Variants in RAB3C observed in about 807,000 individuals in gnomAD.
RAB3C encodes RAB3C, member RAS oncogene family, also known as ras-related protein Rab-3C.
RAB3C carries 17 observed loss-of-function variants against 26.4 expected under a neutral mutation model. The observed-to-expected ratio is 0.64, with a 90% confidence interval of 0.44 to 0.97. The LOEUF (loss-of-function observed/expected upper bound fraction) is 0.97, where lower values mean the gene tolerates loss of function less well. RAB3C is among the 50% of genes least tolerant of loss of function. The probability of loss-of-function intolerance (pLI) is 0.00; values close to 1 mark genes in which losing one functional copy is unlikely to be tolerated. For missense variants in RAB3C, 242 were observed against 281.9 expected (o/e 0.86, Z 1.01); for synonymous variants, 91 against 95.9 (o/e 0.95, Z 0.30).
intron 4 of RAB3C, among the ~76,000 whole-genome samples, chr5:58,849,674 C>T (rs1324294955): frequency 6.6e-6 from 1 of 152,140 alleles, no homozygotes; most frequent in Non-Finnish European, 1.5e-5. Flanking sequence ...GTTCTTCAAC[C>T]CCAATCCTGC....
At chr5:58,661,833 A>C (rs1214375522) in intron 2 of RAB3C, among the ~76,000 whole-genome samples, 1 of 149,476 alleles carries the variant, frequency 6.7e-6, no homozygotes, top group Non-Finnish European at 1.5e-5. Flanking sequence ...CACACTGAGG[A>C]AGAGATGGAC....
intron 2 of RAB3C, among the ~76,000 whole-genome samples, chr5:58,659,084 A>G (rs1285607984): frequency 6.6e-6 from 1 of 152,132 alleles, no homozygotes; most frequent in Non-Finnish European, 1.5e-5. Flanking sequence ...AATCATGGCT[A>G]TTTTCGCAAT....
intron 2 of RAB3C, among the ~76,000 whole-genome samples, chr5:58,653,382 C>G (rs1056430148): frequency 6.6e-6 from 1 of 152,178 alleles, no homozygotes; most frequent in African/African-American, 2.4e-5. Context: ...TTGTAGAAGA[C>G]AGTGTGGCGA....
At position 58,661,501 on chromosome 5, in the gene RAB3C, G is replaced by C. The variant is rs1277745023; in HGVS notation, c.252+43631G>C. Among the ~76,000 whole-genome samples the C allele has an allele frequency of 4.0e-5, 6 of 149,328 alleles. 1 individual carries two copies. Among genetic ancestry groups the C allele is most frequent in the Admixed American group, 4.0e-4 (6 of 15,128 alleles). On this transcript the variant is annotated intron_variant, in intron 2 of 4. Coordinates refer to ENST00000282878, the MANE Select transcript of RAB3C (RefSeq NM_138453.4). ...TTGCTATTGCATGCCTGACTAAGTG[G>C]CTCCAATAATTTAAGGGTTAAAGAC...
intron 2 of RAB3C, among the ~76,000 whole-genome samples, chr5:58,688,227 A>G (rs1748487281): frequency 6.6e-6 from 1 of 152,080 alleles, no homozygotes; most frequent in Non-Finnish European, 1.5e-5. Context: ...CATCTTCTAC[A>G]TAGGAGATGC....
intron 3 of RAB3C, among the ~76,000 whole-genome samples, chr5:58,753,601 G>A (rs981356643): frequency 2.0e-5 from 3 of 152,120 alleles, no homozygotes; most frequent in African/African-American, 2.4e-5. Flanking sequence ...GAGGCCAACT[G>A]GAAAGAAATG....
At chr5:58,748,637 C>T (rs75678144) in intron 3 of RAB3C, among the ~76,000 whole-genome samples, 1 of 151,948 alleles carries the variant, frequency 6.6e-6, no homozygotes, top group Non-Finnish European at 1.5e-5. Context: ...TGCGTATCTC[C>T]CTTCCAGAAA....
chr5:58,764,905 A>G lies in RAB3C; in HGVS notation c.371+38785A>G, dbSNP rs138814723. ...CCTGTTATCTATTATGATCTTTCTT[A>G]TAACAGAAGGAAACATTAAGGAGAA... On this transcript the variant is annotated intron_variant, in intron 3 of 4. Coordinates refer to ENST00000282878, the MANE Select transcript of RAB3C (RefSeq NM_138453.4). 1.8e-4 allele frequency among the ~76,000 whole-genome samples: 28 copies of G among 152,326 alleles called. No individual in the cohort carries two copies. In the East Asian group the frequency reaches 5.4e-3, roughly 29 times the overall value.
At chr5:58,790,857 G>C (rs1742509052) in intron 3 of RAB3C, among the ~76,000 whole-genome samples, 1 of 152,084 alleles carries the variant, frequency 6.6e-6, no homozygotes, top group Non-Finnish European at 1.5e-5. Context: ...AGGGTTCAGA[G>C]GTGATCTAGC....
At chr5:58,666,151 G>A (rs187314171) in intron 2 of RAB3C, among the ~76,000 whole-genome samples, 5 of 152,294 alleles carry the variant, frequency 3.3e-5, no homozygotes, top group Admixed American at 2.6e-4. Context: ...AACAATAGTA[G>A]ACAGCTATAA....
chr5:58,843,262 A>G (rs1325068153), intron 4 of RAB3C, among the ~76,000 whole-genome samples: 1 of 152,214 alleles, frequency 6.6e-6, no homozygotes, highest in Admixed American at 6.5e-5. Flanking sequence ...TTAAAAATGT[A>G]TTACACTATT....
intron 3 of RAB3C, among the ~76,000 whole-genome samples, chr5:58,776,227 T>G (rs971049657): frequency 9.2e-5 from 14 of 152,268 alleles, no homozygotes; most frequent in African/African-American, 3.4e-4. Flanking sequence ...AACTTCCTCA[T>G]GCCTCAATTT....
chr5:58,751,213 A>T (rs1340543096), intron 3 of RAB3C, among the ~76,000 whole-genome samples: 2 of 152,244 alleles, frequency 1.3e-5, no homozygotes, highest in African/African-American at 4.8e-5. Context: ...ACAACCATGC[A>T]TAACCAAGAA....
intron 3 of RAB3C, among the ~76,000 whole-genome samples, chr5:58,756,982 T>C (rs1741682463): frequency 6.6e-6 from 1 of 152,278 alleles, no homozygotes; most frequent in African/African-American, 2.4e-5. Flanking sequence ...CTGGGTCAGA[T>C]GGTATTTCTG....
intron 2 of RAB3C, among the ~76,000 whole-genome samples, chr5:58,637,155 C>T (rs537655413): frequency 2.0e-5 from 3 of 150,882 alleles, no homozygotes; most frequent in Non-Finnish European, 2.9e-5. Flanking sequence ...TCCAATTCCC[C>T]ATCCCTGATG....
chr5:58,617,593 A>G (rs1453555103), intron 1 of RAB3C, 50 bp from the exon 2 acceptor site: 1 of 1,338,728 alleles, frequency 7.5e-7, no homozygotes, highest in Admixed American at 1.7e-5. Context: ...ATCAAATGAG[A>G]GTCTGATCTA....
chr5:58,740,830 A>G (rs1477704509), intron 3 of RAB3C, among the ~76,000 whole-genome samples: 1 of 152,016 alleles, frequency 6.6e-6, no homozygotes, highest in Non-Finnish European at 1.5e-5. Context: ...AGAAAAATAT[A>G]TATCTTAACA....
intron 4 of RAB3C, among the ~76,000 whole-genome samples, chr5:58,829,688 T>G (rs1045245030): frequency 6.6e-6 from 1 of 152,182 alleles, no homozygotes; most frequent in African/African-American, 2.4e-5. Context: ...TAACAGATAA[T>G]ATTCCCAATT....
chr5:58,799,244 G>A (rs1028479862), intron 3 of RAB3C, among the ~76,000 whole-genome samples: 11 of 152,148 alleles, frequency 7.2e-5, no homozygotes, highest in African/African-American at 2.2e-4. Context: ...CAACCACTGC[G>A]AAGTGTTATA....
Sources: allele counts gnomAD v4.1 joint callset (sites outside exome capture counted in the v4.1 genomes callset), GRCh38; gene constraint gnomAD v4.1.1; transcripts MANE v1.5; gene names NCBI Gene and HGNC (gene_info 2026-07-23, HGNC 2026-07-21).